The following POLR2F variants were observed in gnomAD, a reference collection of about 807,000 sequenced individuals.
The protein encoded by POLR2F is RNA polymerase II, I and III subunit F.
In POLR2F, 12 loss-of-function variants were observed where a neutral mutation model predicts 22.7. The observed-to-expected ratio is 0.53, with a 90% CI of 0.34 to 0.86. POLR2F has a LOEUF of 0.86. POLR2F is among the 40% of genes least tolerant of loss of function. The pLI is 0.02. For missense variants in POLR2F, 126 were observed against 171.5 expected, an observed-to-expected ratio of 0.73 and a Z score of 1.48; for synonymous variants, 57 against 66.0, an observed-to-expected ratio of 0.86 and a Z score of 0.66.
chr22:38,029,433 T>C (rs1239885057), downstream of POLR2F, among the ~76,000 whole-genome samples: 1 of 152,088 alleles, frequency 6.6e-6, no homozygotes, highest in Non-Finnish European at 1.5e-5. Context: ...TATGGTCTAG[T>C]GGGGTGATGG....
chr22:37,954,050 A>G (rs532542744), intron 1 of POLR2F, among the ~76,000 whole-genome samples: 9 of 152,304 alleles, frequency 5.9e-5, no homozygotes, highest in East Asian at 3.9e-4. Context: ...TCCTTCAGCA[A>G]ATGTTCCAGC....
chr22:38,039,779 G>T (rs117267625), intron 5 of POLR2F, among the ~76,000 whole-genome samples: 4,204 of 152,316 alleles, frequency 0.028, 65 homozygotes, highest in Non-Finnish European at 0.042. Context: ...GCGGGCAGGG[G>T]CAGGGCGAGG....
rs898730102 is a variant in POLR2F, at chr22:38,016,686, G to T, written c.121-9183G>T. The stretch of plus-strand genomic sequence containing the variant: ...GTTTATGAGCAGGGCTCCTTTGGCA[G>T]CGGTTCCAGCCCTGGGCGGGTGGAA... On this transcript the variant is annotated intron_variant, in intron 1 of 2. Transcript: ENST00000333418. The surrounding 1 kb of genome is among the most constrained non-coding windows in gnomAD (Gnocchi z 4.4). Among the ~76,000 whole-genome samples, 1 of 151,878 alleles carries T rather than the reference G, an allele frequency of 6.6e-6. No individual in the cohort carries two copies. Among genetic ancestry groups the T allele is most frequent in the Non-Finnish European group, 1.5e-5 (1 of 67,928 alleles).
chr22:38,006,345 C>T (rs779758013), intron 1 of POLR2F, among the ~76,000 whole-genome samples: 30 of 152,204 alleles, frequency 2.0e-4, no homozygotes, highest in Non-Finnish European at 3.1e-4. Context: ...TGGCTATGCA[C>T]ACACCCCAGG....
chr22:37,987,480 T>C (rs1398221763), intron 1 of POLR2F: 3 of 288,432 alleles, frequency 1.0e-5, no homozygotes, highest in Non-Finnish European at 1.9e-5. Flanking sequence ...GCTCCGCCTG[T>C]GTTCCCCCAC....
downstream of POLR2F, among the ~76,000 whole-genome samples, chr22:38,029,585 G>C (rs1245100963): frequency 2.0e-5 from 3 of 152,218 alleles, no homozygotes; most frequent in African/African-American, 4.8e-5. Flanking sequence ...GAAGGATGCA[G>C]AGGAGTTTGA....
downstream of POLR2F, chr22:37,974,187 C>T (rs1365019464): frequency 6.2e-7 from 1 of 1,603,356 alleles, no homozygotes; most frequent in Non-Finnish European, 8.5e-7. The surrounding 1 kb of genome is among the most constrained non-coding windows in gnomAD (Gnocchi z 5.4). Flanking sequence ...GTGGGTGGGC[C>T]ATGGCTCTGG....
chr22:38,039,969 C>T (rs1273044775), intron 5 of POLR2F, among the ~76,000 whole-genome samples: 2 of 152,094 alleles, frequency 1.3e-5, no homozygotes, highest in African/African-American at 4.8e-5. Context: ...AAAAGTTCTG[C>T]AGGCAATGAA....
At chr22:37,995,561 G>T (rs2084704971) in intron 1 of POLR2F, among the ~76,000 whole-genome samples, 1 of 152,150 alleles carries the variant, frequency 6.6e-6, no homozygotes, top group Non-Finnish European at 1.5e-5. Flanking sequence ...CGGATTAGTT[G>T]TTCATTGTCT....
chr22:38,016,688 G>A lies in POLR2F; in HGVS notation c.121-9181G>A, dbSNP rs1299728543. ...TTATGAGCAGGGCTCCTTTGGCAGC[G>A]GTTCCAGCCCTGGGCGGGTGGAAAG... On this transcript the variant is annotated intron_variant, in intron 1 of 2. Transcript: ENST00000333418. This position sits in a 1 kb window ranked among gnomAD's most constrained non-coding sequence, Gnocchi z 4.4. 4.0e-5 allele frequency among the ~76,000 whole-genome samples: 6 copies of A among 151,886 alleles called. No homozygotes were observed. The highest frequency in any genetic ancestry group is 1.9e-4 in the East Asian group (1 of 5,174).
intron 1 of POLR2F, among the ~76,000 whole-genome samples, chr22:37,954,887 CG>C (rs1488326832): frequency 1.3e-5 from 2 of 151,884 alleles, no homozygotes; most frequent in African/African-American, 4.8e-5. Flanking sequence ...AAAGAGAAGC[CG>C]GGGAGGTGGG....
chr22:37,983,348 G>C (rs774741291), upstream of POLR2F: 1 of 1,604,010 alleles, frequency 6.2e-7, no homozygotes, highest in East Asian at 2.2e-5. The surrounding 1 kb of genome is among the most constrained non-coding windows in gnomAD (Gnocchi z 9.5). Flanking sequence ...GGGGCGGTCG[G>C]GTGCTCACCT....
chr22:37,986,266 C>G lies in POLR2F; in HGVS notation c.76C>G (p.Arg26Gly). The G allele has an allele frequency of 1.9e-6, 3 of 1,539,284 alleles. No individual in the cohort carries two copies. Among genetic ancestry groups the G allele is most frequent in the East Asian group, 2.4e-5 (1 of 40,906 alleles). Residue 26 changes from arginine (R) to glycine (G), a missense_variant, in exon 1 of 3, where the codon CGC (arginine) becomes GGC (glycine). Coordinates refer to the POLR2F transcript ENST00000333418. This position sits in a 1 kb window ranked among gnomAD's most constrained non-coding sequence, Gnocchi z 4.7. ...CTGCCCTGCAGTCGCCTCCAACACC[C>G]GCTGCTGCCCGCCCGCTGCCTGCCT...
chr22:37,977,671 C>G (rs1161443759), intron 4 of POLR2F, among the ~76,000 whole-genome samples: 1 of 152,122 alleles, frequency 6.6e-6, no homozygotes, highest in Non-Finnish European at 1.5e-5. Context: ...CAGCCCTGGC[C>G]AGAGCCATCT....
At chr22:38,038,236 A>G (rs896644686) in intron 5 of POLR2F, among the ~76,000 whole-genome samples, 17 of 152,196 alleles carry the variant, frequency 1.1e-4, no homozygotes, top group Admixed American at 3.9e-4. Flanking sequence ...CAGGAGGCCA[A>G]TGGAGCCCTG....
intron 5 of POLR2F, among the ~76,000 whole-genome samples, chr22:38,038,982 T>C (rs1293991558): frequency 6.6e-6 from 1 of 152,132 alleles, no homozygotes; most frequent in Non-Finnish European, 1.5e-5. Context: ...GTGACCCACC[T>C]TGCGCCCCCC....
intron 1 of POLR2F, among the ~76,000 whole-genome samples, chr22:38,007,128 C>T (rs1427488451): frequency 1.3e-5 from 2 of 152,124 alleles, no homozygotes; most frequent in Admixed American, 6.6e-5. Context: ...CCTAGACCCC[C>T]AACTGGACAT....
chr22:38,019,382 C>T (rs985244422), intron 1 of POLR2F, among the ~76,000 whole-genome samples: 10 of 152,150 alleles, frequency 6.6e-5, no homozygotes, highest in African/African-American at 7.2e-5. Context: ...GACTACTGCC[C>T]AGCAGCTGGA....
chr22:37,971,747 C>A (rs551972924), downstream of POLR2F, among the ~76,000 whole-genome samples: 1 of 152,050 alleles, frequency 6.6e-6, no homozygotes, highest in Non-Finnish European at 1.5e-5. Context: ...GCAGGCAGCA[C>A]GGTGTCACCC....
Sources: allele counts gnomAD v4.1 joint callset (sites outside exome capture counted in the v4.1 genomes callset), GRCh38; gene constraint gnomAD v4.1.1; non-coding constraint Gnocchi (gnomAD v3.1); transcripts MANE v1.5; gene names NCBI Gene and HGNC (gene_info 2026-07-23, HGNC 2026-07-21).